Variants in FYB1 observed in about 807,000 individuals in gnomAD.
FYB1 encodes the protein FYN binding protein 1, also known as FYN-binding protein 1.
In FYB1, 41 loss-of-function variants were observed where a neutral mutation model predicts 94.1. That is an observed-to-expected ratio of 0.44 (90% confidence interval 0.34 to 0.57). The LOEUF (loss-of-function observed/expected upper bound fraction) is 0.57. FYB1 is among the 20% of genes least tolerant of loss of function. The probability of loss-of-function intolerance (pLI) is 0.02; values close to 1 mark genes in which losing one functional copy is unlikely to be tolerated. For missense variants in FYB1, 1,050 were observed against 976.8 expected (o/e 1.07, Z -1.00); for synonymous variants, 367 against 353.2 (o/e 1.04, Z -0.44).
intron 12 of FYB1, among the ~76,000 whole-genome samples, chr5:39,125,560 T>C (rs1443049550): frequency 6.6e-6 from 1 of 152,188 alleles, no homozygotes; most frequent in East Asian, 1.9e-4. Context: ...TTAAAAAGAA[T>C]GTATATTTTG....
chr5:39,181,325 G>A (rs1014914041), intron 2 of FYB1, among the ~76,000 whole-genome samples: 2 of 152,216 alleles, frequency 1.3e-5, no homozygotes, highest in African/African-American at 4.8e-5. Context: ...CTAGTCGCCT[G>A]TGGCTATTGA....
rs952264659 is a variant in FYB1, at chr5:39,151,821, T to C, written c.1292+1627A>G. Among the ~76,000 whole-genome samples, 6 of 152,348 alleles carry C rather than the reference T, an allele frequency of 3.9e-5. No homozygotes were observed. In the South Asian group the frequency reaches 1.2e-3, roughly 32 times the overall value. ...AGAGGGAATGTTTGGGAAATACTCA[T>C]GTATGTGTTTTGAGGACTGGTGCTG... is the stretch of plus-strand genomic sequence containing the variant. On this transcript the variant is annotated intron_variant, in intron 3 of 18. Coordinates refer to ENST00000512982, the MANE Select transcript of FYB1 (RefSeq NM_001465.6).
intron 2 of FYB1, among the ~76,000 whole-genome samples, chr5:39,175,439 C>T (rs1745635046): frequency 6.6e-6 from 1 of 152,128 alleles, no homozygotes. Flanking sequence ...ATGCCGGTGT[C>T]CAATGGTTGT....
chr5:39,150,126 G>A (rs1306334323), intron 3 of FYB1, among the ~76,000 whole-genome samples: 1 of 152,042 alleles, frequency 6.6e-6, no homozygotes. Flanking sequence ...CTGGGCCCCA[G>A]AAGACCAGAT....
At chr5:39,232,697 C>T (rs1193256864) in intron 1 of FYB1, among the ~76,000 whole-genome samples, 1 of 151,200 alleles carries the variant, frequency 6.6e-6, no homozygotes, top group East Asian at 1.9e-4. Context: ...AGGTATATCT[C>T]CCAATGCTAA....
upstream of FYB1, among the ~76,000 whole-genome samples, chr5:39,220,778 G>C (rs544787503): frequency 6.6e-6 from 1 of 152,348 alleles, no homozygotes; most frequent in Admixed American, 6.5e-5. Context: ...CCTTCTTATA[G>C]AGTAGTAGGG....
chr5:39,228,604 A>G (rs552158705), intron 1 of FYB1, among the ~76,000 whole-genome samples: 23 of 152,352 alleles, frequency 1.5e-4, no homozygotes, highest in Non-Finnish European at 2.8e-4. Context: ...CTTGACTACT[A>G]TTGAATATTA....
In FYB1 at chr5:39,201,999, G is replaced by C; in HGVS notation, c.962C>G (p.Thr321Arg). 1 of 1,614,052 alleles carries C rather than the reference G, an allele frequency of 6.2e-7. No individual in the cohort carries two copies. Among genetic ancestry groups the C allele is most frequent in the South Asian group, 1.1e-5 (1 of 91,090 alleles). The change falls in exon 2 of 19, where the codon ACA (threonine) becomes AGA (arginine). Residue 321 changes from threonine (T) to arginine (R), a missense_variant. Transcript: ENST00000512982. ...ARFPKAPSKL[T>R]VGGPWGQSQE... ...ACTTTGGCCCCATGGCCCCCCCACT[G>C]TCAGCTTAGAAGGGGCCTTAGGGAA...
chr5:39,257,212 A>G (rs1213083756), intron 1 of FYB1, among the ~76,000 whole-genome samples: 1 of 152,234 alleles, frequency 6.6e-6, no homozygotes, highest in Non-Finnish European at 1.5e-5. Context: ...TAGTTTTAAA[A>G]GGCATATAGT....
chr5:39,246,602 C>G (rs748756098), intron 1 of FYB1, among the ~76,000 whole-genome samples: 1 of 152,122 alleles, frequency 6.6e-6, no homozygotes, highest in South Asian at 2.1e-4. Flanking sequence ...TCTCTTATGT[C>G]TCACAGGTAA....
chr5:39,109,331 C>T (rs998933670), intron 17 of FYB1, among the ~76,000 whole-genome samples: 2 of 151,974 alleles, frequency 1.3e-5, no homozygotes, highest in African/African-American at 4.8e-5. Context: ...ATTAAGTATT[C>T]GCTTCAATAG....
At chr5:39,270,191 G>A (rs1752615224) in intron 1 of FYB1, among the ~76,000 whole-genome samples, 1 of 152,122 alleles carries the variant, frequency 6.6e-6, no homozygotes, top group African/African-American at 2.4e-5. Context: ...CATCATTAAT[G>A]TTTCCCAACA....
chr5:39,266,839 C>T (rs1752456516), intron 1 of FYB1, among the ~76,000 whole-genome samples: 1 of 152,170 alleles, frequency 6.6e-6, no homozygotes, highest in South Asian at 2.1e-4. Flanking sequence ...GACATGACAG[C>T]TGATCCTCAA....
At chr5:39,249,758 C>T (rs1579782941) in intron 1 of FYB1, among the ~76,000 whole-genome samples, 1 of 152,142 alleles carries the variant, frequency 6.6e-6, no homozygotes, top group East Asian at 1.9e-4. Flanking sequence ...GGGATGCACT[C>T]AGCAAGTTAC....
rs567806206 is a variant in FYB1 at position 39,265,440 on chromosome 5, C to T, written c.-28+8963G>A. Among the ~76,000 whole-genome samples the T allele has an allele frequency of 4.6e-5, 7 of 150,810 alleles. No individual in the cohort carries two copies. In the East Asian group the frequency reaches 9.8e-4, roughly 21 times the overall value. ...CGGAGCTTTCAGTGAGCTGAGTTCACGCCACTGCACTCCAGCCTGGGCGAC... is the reference window on the plus strand; with the variant it reads ...CGGAGCTTTCAGTGAGCTGAGTTCATGCCACTGCACTCCAGCCTGGGCGAC... On this transcript the variant is annotated intron_variant, in intron 1 of 1. Transcript: ENST00000510188.
In FYB1 at chr5:39,138,670, T is replaced by C. The variant is rs774726885; in HGVS notation, c.1381A>G (p.Thr461Ala). 5.2e-6 allele frequency: 8 copies of C among 1,526,190 alleles called. No individual in the cohort carries two copies. In the East Asian group the frequency reaches 1.6e-4, roughly 30 times the overall value. 94.5% of individuals were successfully genotyped at this position (1,526,190 alleles called of 1,614,324 possible). A position where few individuals can be genotyped will look rare whatever the true frequency, so the allele number is the denominator to read the frequency against. ...TGTAATTCATACATGTCTTCATATG[T>C]TTCTCCTTCACTGTCTTGTTCCTGT... ...LDEEQDSEGE[T>A]YEDIEASKER... is the part of the protein sequence containing the mutation. The change falls in exon 6 of 19, where the codon ACA (threonine) becomes GCA (alanine). Residue 461 changes from threonine to alanine, a missense_variant. Thr to Ala is a moderately conservative substitution (Grantham distance 58). Coordinates refer to ENST00000512982, the MANE Select transcript of FYB1 (RefSeq NM_001465.6).
At chr5:39,137,940 G>T (rs911821466) in intron 6 of FYB1, 7 of 533,792 alleles carry the variant, frequency 1.3e-5, no homozygotes, top group Non-Finnish European at 2.0e-5. Context: ...TGCTTTCCCT[G>T]ACAACTTGTG....
intron 1 of FYB1, among the ~76,000 whole-genome samples, chr5:39,258,295 A>G (rs999853844): frequency 3.9e-5 from 6 of 152,112 alleles, no homozygotes; most frequent in Non-Finnish European, 8.8e-5. Context: ...AAGGGGGAAA[A>G]GAGAAACGAA....
intron 3 of FYB1, among the ~76,000 whole-genome samples, chr5:39,148,230 A>G (rs1742926616): frequency 9.9e-6 from 1 of 100,906 alleles, no homozygotes; most frequent in Non-Finnish European, 1.9e-5. Context: ...GGGTTTCATC[A>G]TATTGCTCAA....
Sources: allele counts gnomAD v4.1 joint callset (sites outside exome capture counted in the v4.1 genomes callset), GRCh38; gene constraint gnomAD v4.1.1; transcripts MANE v1.5; gene names NCBI Gene and HGNC (gene_info 2026-07-23, HGNC 2026-07-21).